ARID3B: variants seen among roughly 807,000 people sequenced by gnomAD.
ARID3B encodes the protein AT-rich interactive domain-containing protein 3B.
ARID3B carries 10 observed loss-of-function variants against 51.9 expected under a neutral mutation model. The observed-to-expected ratio is 0.19, with a 90% CI of 0.12 to 0.33. ARID3B has a LOEUF of 0.33. Ranked by LOEUF, ARID3B falls within the 10% of genes least tolerant of loss-of-function variation. The pLI, the probability that ARID3B is intolerant of heterozygous loss-of-function variation, is 1.00. For missense variants in ARID3B, 483 were observed against 716.3 expected, an observed-to-expected ratio of 0.67 and a Z score of 3.72; for synonymous variants, 205 against 279.5, an observed-to-expected ratio of 0.73 and a Z score of 2.66.
intron 4 of ARID3B, among the ~76,000 whole-genome samples, chr15:74,587,720 T>C (rs1226679082): frequency 6.6e-6 from 1 of 152,114 alleles, no homozygotes; most frequent in Non-Finnish European, 1.5e-5. Flanking sequence ...CCTGTCCTGC[T>C]GGGGGCTTTT....
intron 1 of ARID3B, among the ~76,000 whole-genome samples, chr15:74,543,566 T>A (rs1377332565): frequency 6.6e-6 from 1 of 152,180 alleles, no homozygotes; most frequent in East Asian, 1.9e-4. Flanking sequence ...GGAAGAGAGA[T>A]CAGAACACGT....
intron 4 of ARID3B, among the ~76,000 whole-genome samples, chr15:74,583,733 T>C (rs1357667120): frequency 6.7e-6 from 1 of 150,110 alleles, no homozygotes; most frequent in Non-Finnish European, 1.5e-5. Context: ...AAAAAAAAAG[T>C]TCTTTATTTT....
intron 1 of ARID3B, among the ~76,000 whole-genome samples, chr15:74,541,978 G>C (rs1288400263): frequency 2.6e-5 from 4 of 152,182 alleles, no homozygotes; most frequent in East Asian, 1.9e-4. Context: ...GGGCTCTTTG[G>C]GGGAGGGTGT....
chr15:74,588,643 T>G (rs1207448569), intron 4 of ARID3B, among the ~76,000 whole-genome samples: 1 of 152,178 alleles, frequency 6.6e-6, no homozygotes. Flanking sequence ...ATCCCGAGGC[T>G]GCCAAATGAC....
At chr15:74,579,220 C>G (rs1321002712) in intron 4 of ARID3B, among the ~76,000 whole-genome samples, 2 of 152,198 alleles carry the variant, frequency 1.3e-5, no homozygotes, top group African/African-American at 4.8e-5. Context: ...AACAGATGGG[C>G]CTTTCAGCCC....
Position 74,591,599 on chromosome 15 carries a change from G to T in ARID3B, c.1205G>T (p.Arg402Leu). 6.2e-7 allele frequency: 1 copy of T among 1,607,310 alleles called. No individual in the cohort carries two copies. The highest frequency in any genetic ancestry group is 8.5e-7 in the Non-Finnish European group (1 of 1,176,862). ...GTGACAACAGTGCCTGTGCCAAATC[G>T]TCTGGCTGTGCCCGTGACCTTGGCA... ...APVTTVPVPN[R>L]LAVPVTLASQ... Residue 402 changes from arginine (R) to leucine (L), a missense_variant, in exon 7 of 9, where the codon CGT becomes CTT. This residue lies in a region of ARID3B where 265 missense variants were observed against 354.4 expected (regional missense o/e 0.75). Transcript: ENST00000346246. The surrounding 1 kb of genome is among the most constrained non-coding windows in gnomAD (Gnocchi z 5.8).
Position 74,571,377 on chromosome 15 carries a change from C to T in ARID3B, c.553-1485C>T, listed in dbSNP as rs953329876. ...TCCCCAGCCCCACATGTCCTTTCCTCACCACATACACACCCCAGCCAGCTG... is the reference window on the plus strand; with the variant it reads ...TCCCCAGCCCCACATGTCCTTTCCTTACCACATACACACCCCAGCCAGCTG... On this transcript the variant is annotated intron_variant, in intron 2 of 8. Transcript: ENST00000346246. Among the ~76,000 whole-genome samples, 8 of 152,360 alleles carry T rather than the reference C, an allele frequency of 5.3e-5. No homozygotes were observed. In the East Asian group the frequency reaches 1.5e-3, roughly 29 times the overall value.
rs2061835438 is a variant in ARID3B, at chr15:74,598,024, A to G, written c.*2250A>G. On this transcript the variant is annotated 3_prime_UTR_variant, in exon 9 of 9. Transcript: ENST00000346246. Reference sequence around the variant, plus strand: ...ACATGGGTAGCCTAGGCAGTGAGTAAATACCTCAGATGTCCTCCTGCAGCA... The same window carrying G: ...ACATGGGTAGCCTAGGCAGTGAGTAGATACCTCAGATGTCCTCCTGCAGCA... 1 of 530,926 alleles carries G rather than the reference A, an allele frequency of 1.9e-6. No individual in the cohort carries two copies. The highest frequency in any genetic ancestry group is 2.2e-5 in the Admixed American group (1 of 44,814). 32.9% of individuals were successfully genotyped at this position (530,926 alleles called of 1,614,324 possible).
chr15:74,550,145 G>C (rs907225219), intron 2 of ARID3B, among the ~76,000 whole-genome samples: 2 of 152,112 alleles, frequency 1.3e-5, no homozygotes, highest in African/African-American at 4.8e-5. Context: ...TAGTCATCTA[G>C]GTGAACAGAC....
intron 2 of ARID3B, among the ~76,000 whole-genome samples, chr15:74,547,545 T>C (rs2061620681): frequency 6.6e-6 from 1 of 152,138 alleles, no homozygotes; most frequent in Admixed American, 6.6e-5. Flanking sequence ...CAACAAACTT[T>C]TACAGAGGCT....
At position 74,588,944 on chromosome 15, in the gene ARID3B, G is replaced by A. The variant is rs138690074; in HGVS notation, c.698-876G>A. 6.3e-4 allele frequency among the ~76,000 whole-genome samples: 95 copies of A among 151,656 alleles called. 1 individual carries two copies. Among genetic ancestry groups the A allele is most frequent in the African/African-American group, 2.3e-3 (93 of 41,300 alleles). On this transcript the variant is annotated intron_variant, in intron 4 of 8. Transcript: ENST00000346246. ...GTCCAGCAGCTCCTTTGACATGGCG[G>A]GGCACACGAGAGAGAAATAAACCAT...
intron 2 of ARID3B, among the ~76,000 whole-genome samples, chr15:74,549,552 A>C (rs2141374730): frequency 6.6e-6 from 1 of 150,588 alleles, no homozygotes; most frequent in Non-Finnish European, 1.5e-5. Flanking sequence ...TGGATGACAG[A>C]GTGAGATGGT....
At chr15:74,582,229 G>A (rs1234377731) in intron 4 of ARID3B, among the ~76,000 whole-genome samples, 2 of 151,430 alleles carry the variant, frequency 1.3e-5, no homozygotes, top group African/African-American at 2.4e-5. Flanking sequence ...GTGCAGTGGC[G>A]CGATTTCGGC....
At chr15:74,550,955 A>C (rs949950402) in intron 2 of ARID3B, among the ~76,000 whole-genome samples, 1 of 152,164 alleles carries the variant, frequency 6.6e-6, no homozygotes, top group African/African-American at 2.4e-5. Flanking sequence ...TTTTGAAGCT[A>C]CCGTCGTCCC....
At chr15:74,563,871 C>T (rs2061687914) in intron 2 of ARID3B, among the ~76,000 whole-genome samples, 2 of 152,188 alleles carry the variant, frequency 1.3e-5, no homozygotes, top group South Asian at 4.1e-4. Flanking sequence ...ACATCTATTT[C>T]TGGGAAGTCT....
Position 74,589,680 on chromosome 15 carries a change from G to A in ARID3B, c.698-140G>A, listed in dbSNP as rs1054858557. 27 of 886,400 alleles carry A rather than the reference G, an allele frequency of 3.0e-5. No individual in the cohort carries two copies. In the Admixed American group the frequency reaches 5.6e-4, roughly 18 times the overall value. The allele number at this position is 886,400 out of a possible 1,614,324, so 54.9% of individuals were successfully genotyped here. ...CCTGACAGCTAGTCTGAGTGTTCAG[G>A]CTTGGGGAGTTTGAGTTAAATTACA... On this transcript the variant is annotated intron_variant, in intron 4 of 8. Coordinates refer to ENST00000346246, the MANE Select transcript of ARID3B (RefSeq NM_006465.4).
intron 2 of ARID3B, among the ~76,000 whole-genome samples, chr15:74,552,165 G>A (rs1596251041): frequency 7.1e-6 from 1 of 140,602 alleles, no homozygotes; most frequent in East Asian, 2.2e-4. Flanking sequence ...GGGTTCAAGC[G>A]ATTCTCCTGC....
chr15:74,551,368 C>G (rs369456546), intron 2 of ARID3B, among the ~76,000 whole-genome samples: 1 of 152,272 alleles, frequency 6.6e-6, no homozygotes, highest in East Asian at 1.9e-4. Flanking sequence ...TGTATCTTTC[C>G]GTATTAGCAT....
intron 4 of ARID3B, among the ~76,000 whole-genome samples, chr15:74,588,507 A>G (rs1567126393): frequency 1.3e-5 from 2 of 152,176 alleles, no homozygotes; most frequent in African/African-American, 2.4e-5. Context: ...GGAGGGGGCA[A>G]GGCAGAGGAG....
Sources: allele counts gnomAD v4.1 joint callset (sites outside exome capture counted in the v4.1 genomes callset), GRCh38; gene constraint gnomAD v4.1.1; regional missense constraint gnomAD v4.1.1; non-coding constraint Gnocchi (gnomAD v3.1); transcripts MANE v1.5; gene names NCBI Gene and HGNC (gene_info 2026-07-23, HGNC 2026-07-21).